USP53: variants seen among roughly 807,000 people sequenced by gnomAD.
USP53 encodes the protein ubiquitin specific peptidase 53.
A neutral mutation model predicts 94.9 loss-of-function variants in USP53; 71 were observed. That is an observed-to-expected ratio of 0.75 (90% CI 0.62 to 0.91). The LOEUF (loss-of-function observed/expected upper bound fraction) is 0.91, where lower values mean the gene tolerates loss of function less well. USP53 is among the 40% of genes least tolerant of loss of function. The probability of loss-of-function intolerance (pLI) is 0.00; values close to 1 mark genes in which losing one functional copy is unlikely to be tolerated. For missense variants in USP53, 1,173 were observed against 1,281.0 expected, an observed-to-expected ratio of 0.92 and a Z score of 1.29; for synonymous variants, 375 against 422.7, an observed-to-expected ratio of 0.89 and a Z score of 1.39.
At chr4:119,224,767 T>C (rs533222359) in intron 3 of USP53, among the ~76,000 whole-genome samples, 2 of 152,264 alleles carry the variant, frequency 1.3e-5, no homozygotes, top group South Asian at 4.1e-4. Context: ...TGAAACTATG[T>C]TGAACAGAAT....
chr4:119,246,463 C>T (rs34156358), intron 6 of USP53, among the ~76,000 whole-genome samples: 14,028 of 152,156 alleles, frequency 0.092, 834 homozygotes, highest in Non-Finnish European at 0.13. Flanking sequence ...CATGAAAGAG[C>T]GACCCTCAGA....
intron 6 of USP53, among the ~76,000 whole-genome samples, chr4:119,247,320 C>T (rs1464995684): frequency 6.6e-6 from 1 of 152,152 alleles, no homozygotes; most frequent in African/African-American, 2.4e-5. Flanking sequence ...CTGATCCCCA[C>T]CTCAAAGTCT....
At chr4:119,238,355 C>T (rs1029434389) in intron 4 of USP53, among the ~76,000 whole-genome samples, 55 of 152,024 alleles carry the variant, frequency 3.6e-4, no homozygotes, top group African/African-American at 1.3e-3. Context: ...GTAGGGAGGC[C>T]TGAGGAAAAG....
intron 3 of USP53, among the ~76,000 whole-genome samples, chr4:119,231,703 A>C (rs1746100489): frequency 6.6e-6 from 1 of 152,146 alleles, no homozygotes; most frequent in South Asian, 2.1e-4. Flanking sequence ...GCAAACAGAG[A>C]AGGAGCCGGA....
chr4:119,260,424 A>G, intron 10 of USP53, 83 bp from the exon 11 acceptor site: 1 of 1,249,606 alleles, frequency 8.0e-7, no homozygotes. Flanking sequence ...ATGTGTTAAA[A>G]TTGTCATTAT....
chr4:119,254,517 A>G (rs778222721), intron 7 of USP53, among the ~76,000 whole-genome samples: 43 of 152,132 alleles, frequency 2.8e-4, no homozygotes, highest in Non-Finnish European at 4.4e-4. Context: ...TGAATCGGCT[A>G]CTGAAGCTTG....
intron 17 of USP53, among the ~76,000 whole-genome samples, chr4:119,281,219 G>A (rs1445415108): frequency 6.6e-6 from 1 of 152,164 alleles, no homozygotes; most frequent in Non-Finnish European, 1.5e-5. Context: ...GTACATACCT[G>A]AAGAATTTGG....
At chr4:119,252,847 T>C (rs190770156) in intron 7 of USP53, among the ~76,000 whole-genome samples, 7 of 152,324 alleles carry the variant, frequency 4.6e-5, no homozygotes, top group Admixed American at 2.0e-4. Flanking sequence ...TTTAGGTATC[T>C]CCTGCTTTCT....
rs975725324 is a variant in USP53, at chr4:119,273,853, A to G, written c.2251+145A>G. 7 of 626,060 alleles carry G rather than the reference A, an allele frequency of 1.1e-5. No homozygotes were observed. In the East Asian group the frequency reaches 2.0e-4, roughly 18 times the overall value. 38.8% of individuals were successfully genotyped at this position (626,060 alleles called of 1,614,324 possible). A position where few individuals can be genotyped will look rare whatever the true frequency, so the allele number is the denominator to read the frequency against. On this transcript the variant is annotated intron_variant, in intron 17 of 18. Transcript: ENST00000692078. ...CCTAAAATATCAATAAACAAGTTTT[A>G]TTAAGTTAATATATGTTTTAATGAA...
In USP53 at chr4:119,269,716, G is replaced by T; in HGVS notation, c.1314G>T (p.Arg438Ser). ...CTAAGTTAAGTCACATTGATCAAAG[G>T]GAAAAGATAAAAGACATTTCCAGAG... is the stretch of plus-strand genomic sequence containing the variant. ...GPAKLSHIDQ[R>S]EKIKDISREC... Residue 438 changes from arginine (R) to serine (S), a missense_variant, in exon 15 of 19, where the codon AGG becomes AGT. Transcript: ENST00000692078. 6.7e-7 allele frequency: 1 copy of T among 1,483,440 alleles called. No homozygotes were observed. The highest frequency in any genetic ancestry group is 8.9e-7 in the Non-Finnish European group (1 of 1,118,404). 91.9% of individuals were successfully genotyped at this position (1,483,440 alleles called of 1,614,324 possible).
rs1030475067 is a variant in USP53 at position 119,293,843 on chromosome 4, A to G, written c.*632A>G. On this transcript the variant is annotated 3_prime_UTR_variant, in exon 19 of 19. Transcript: ENST00000692078. ...TAAGTGTCTTTAAAAAAAATGACTT[A>G]TGAATTTGATAGCATTTGGGGAAAA... 6.6e-6 allele frequency: 1 copy of G among 151,904 alleles called. No individual in the cohort carries two copies. Among genetic ancestry groups the G allele is most frequent in the Non-Finnish European group, 1.5e-5 (1 of 67,938 alleles). 9.4% of individuals were successfully genotyped at this position (151,904 alleles called of 1,614,324 possible).
rs576137765 is a variant in USP53, at chr4:119,267,460, C to T, written c.1113C>T (p.Tyr371=). The stretch of plus-strand genomic sequence containing the variant: ...GGCAGGTCATCAGCTGGTCACATTA[C>T]AAATCTGTTGCAGAAAATATGGGTA... ...ALRQVISWSH[Y]KSVAENMGCE... is the part of the protein sequence containing the mutation. The change falls in exon 13 of 19, where the codon TAC becomes TAT. Residue 371 remains tyrosine, a synonymous_variant. Transcript: ENST00000692078. 2 of 1,607,538 alleles carry T rather than the reference C, an allele frequency of 1.2e-6. No individual in the cohort carries two copies. The highest frequency in any genetic ancestry group is 1.7e-5 in the Admixed American group (1 of 58,084).
At chr4:119,228,192 G>A (rs781633254) in intron 3 of USP53, among the ~76,000 whole-genome samples, 11 of 152,148 alleles carry the variant, frequency 7.2e-5, no homozygotes, top group Non-Finnish European at 1.2e-4. Flanking sequence ...CCTTTTATCT[G>A]GAGGCCCTAA....
chr4:119,274,605 T>A (rs1230499925), intron 17 of USP53, among the ~76,000 whole-genome samples: 5 of 151,336 alleles, frequency 3.3e-5, no homozygotes. Flanking sequence ...CATTTGGGTA[T>A]ATACCCAGTA....
At chr4:119,257,860 A>C (rs1012003919) in intron 9 of USP53, among the ~76,000 whole-genome samples, 1 of 152,198 alleles carries the variant, frequency 6.6e-6, no homozygotes, top group East Asian at 1.9e-4. Context: ...AAGATAGACA[A>C]TAAGTTAAAA....
intron 3 of USP53, chr4:119,218,719 C>A (rs1391083866): frequency 6.6e-6 from 1 of 152,162 alleles, no homozygotes; most frequent in Admixed American, 6.5e-5. Flanking sequence ...AACACAGTTA[C>A]TTCTGTAATG....
chr4:119,278,399 T>A (rs1489343760), intron 17 of USP53, among the ~76,000 whole-genome samples: 6 of 148,144 alleles, frequency 4.1e-5, no homozygotes, highest in Non-Finnish European at 9.1e-5. Context: ...GGTTGAAAAT[T>A]CTTTTCTTTA....
intron 2 of USP53, among the ~76,000 whole-genome samples, chr4:119,216,334 T>A (rs34941495): frequency 1.3e-5 from 2 of 151,586 alleles, no homozygotes; most frequent in African/African-American, 4.9e-5. Flanking sequence ...TTAGCTGAGA[T>A]TGTGCCGTTG....
At chr4:119,214,656 A>G (rs1451217647) in intron 2 of USP53, among the ~76,000 whole-genome samples, 2 of 151,002 alleles carry the variant, frequency 1.3e-5, no homozygotes, top group East Asian at 1.9e-4. Flanking sequence ...AAGACCTGCC[A>G]TATGTGCTGT....
Sources: gnomAD v4.1 joint callset for allele counts (sites outside exome capture counted in the v4.1 genomes callset) on GRCh38, gnomAD v4.1.1 for gene constraint, MANE v1.5 for transcripts, NCBI Gene and HGNC (gene_info 2026-07-23, HGNC 2026-07-21) for gene names.